RELN: variants seen among roughly 807,000 people sequenced by gnomAD.
RELN encodes the protein reelin.
In RELN, 108 loss-of-function variants were observed where a neutral mutation model predicts 427.6. That is an observed-to-expected ratio of 0.25 (90% CI 0.22 to 0.30). RELN has a LOEUF of 0.30. Among genes scored for constraint, RELN ranks in the 10% least tolerant of loss-of-function variants. The pLI, the probability that RELN is intolerant of heterozygous loss-of-function variation, is 1.00. For missense variants in RELN, 3,715 were observed against 4,302.8 expected, an observed-to-expected ratio of 0.86 and a Z score of 3.82; for synonymous variants, 1,524 against 1,513.4, an observed-to-expected ratio of 1.01 and a Z score of -0.16.
intron 2 of RELN, among the ~76,000 whole-genome samples, chr7:103,836,469 C>T (rs956333665): frequency 5.9e-5 from 9 of 152,160 alleles, no homozygotes; most frequent in Non-Finnish European, 1.0e-4. Context: ...ATAGAAAGCT[C>T]TATTGATGTC....
chr7:103,489,218 G>GTC (rs1828561705), intron 60 of RELN, among the ~76,000 whole-genome samples: 1 of 151,912 alleles, frequency 6.6e-6, no homozygotes, highest in African/African-American at 2.4e-5. Flanking sequence ...GTGTGTGTGT[G>GTC]TGTGTGTGTG....
At chr7:103,479,515 GTGA>G (rs1828155276) in intron 63 of RELN, among the ~76,000 whole-genome samples, 1 of 152,064 alleles carries the variant, frequency 6.6e-6, no homozygotes, top group South Asian at 2.1e-4. Context: ...GCTAATCATC[GTGA>G]AATGCTTTTC....
chr7:103,511,020 A>G lies in RELN; in HGVS notation c.8120-15T>C, dbSNP rs1829393118. The G allele has an allele frequency of 2.5e-6, 4 of 1,608,288 alleles. No individual in the cohort carries two copies. Among genetic ancestry groups the G allele is most frequent in the African/African-American group, 1.3e-5 (1 of 74,796 alleles). On this transcript the variant is annotated splice_polypyrimidine_tract_variant and intron_variant, in intron 50 of 64. Transcript: ENST00000428762. ...GTGCTCATTCACTTAAAACAAAAAA[A>G]CAAAATTTTATGACAAATTTGTGAC...
rs1274914090 is a variant in RELN, at chr7:103,569,068, G to A, written c.4589-2309C>T. On this transcript the variant is annotated intron_variant, in intron 31 of 64. Coordinates refer to ENST00000428762, the MANE Select transcript of RELN (RefSeq NM_005045.4). The surrounding 1 kb of genome is among the most constrained non-coding windows in gnomAD (Gnocchi z 4.0). ...TGCTTCTAATGAATAGAATATGGTGGAAGTAATGGTGTGTAACTTTGGAAA... is the reference window on the plus strand; with the variant it reads ...TGCTTCTAATGAATAGAATATGGTGAAAGTAATGGTGTGTAACTTTGGAAA... Among the ~76,000 whole-genome samples the A allele has an allele frequency of 7.2e-5, 11 of 152,218 alleles. No homozygotes were observed. Among genetic ancestry groups the A allele is most frequent in the Non-Finnish European group, 1.6e-4 (11 of 68,034 alleles).
chr7:103,619,490 C>A (rs1832166669), intron 20 of RELN, among the ~76,000 whole-genome samples: 1 of 152,196 alleles, frequency 6.6e-6, no homozygotes, highest in African/African-American at 2.4e-5. Flanking sequence ...CAGATGCCAG[C>A]AGCTAATTCC....
At chr7:103,522,351 T>A in intron 47 of RELN, 152 bp from the exon 48 acceptor site, 1 of 725,846 alleles carries the variant, frequency 1.4e-6, no homozygotes, top group Non-Finnish European at 2.4e-6. Context: ...CTGCTCTCCT[T>A]AACTGTACTT....
chr7:103,523,580 T>C, intron 46 of RELN, 49 bp from the exon 47 acceptor site: 13 of 1,602,342 alleles, frequency 8.1e-6, no homozygotes, highest in Non-Finnish European at 1.0e-5. Flanking sequence ...GAAAAGAAAA[T>C]GTGTTCCAGT....
rs2117091992 is a variant in RELN at position 103,522,030 on chromosome 7, A to G, written c.7660T>C (p.Phe2554Leu). ...GAVASGMALH[F>L]SGGCSRLLVT... Reference sequence around the variant, plus strand: ...AGCAGCCAAACACTCACCCCACTGAAATGGAGAGCCATTCCCGACGCCACG... The same window carrying G: ...AGCAGCCAAACACTCACCCCACTGAGATGGAGAGCCATTCCCGACGCCACG... Residue 2554 changes from phenylalanine to leucine, a missense_variant, in exon 48 of 65, where the codon TTC (phenylalanine) becomes CTC (leucine). This residue lies in a region of RELN where 1,310 missense variants were observed against 1,643.0 expected (regional missense o/e 0.80). Transcript: ENST00000428762. The G allele has an allele frequency of 1.9e-6, 3 of 1,614,032 alleles. No homozygotes were observed. The highest frequency in any genetic ancestry group is 8.5e-7 in the Non-Finnish European group (1 of 1,179,990).
At chr7:103,513,713 C>G (rs1243554671) in intron 50 of RELN, 4 of 151,544 alleles carry the variant, frequency 2.6e-5, no homozygotes, top group Non-Finnish European at 5.9e-5. Context: ...TATATAGCTA[C>G]TAAAATTTTA....
At chr7:103,741,511 A>T (rs1469439022) in intron 6 of RELN, among the ~76,000 whole-genome samples, 1 of 151,996 alleles carries the variant, frequency 6.6e-6, no homozygotes. Flanking sequence ...TGGGCTTAGA[A>T]GGGATAGTCT....
intron 61 of RELN, 100 bp downstream of exon 61, chr7:103,486,097 T>A: frequency 1.8e-6 from 2 of 1,097,174 alleles, no homozygotes; most frequent in Non-Finnish European, 1.4e-6. Context: ...CTTAGTGACA[T>A]CTGTGCCATG....
chr7:103,635,749 T>G (rs958199974), intron 18 of RELN, among the ~76,000 whole-genome samples, 163 bp from the exon 19 acceptor site: 1 of 152,164 alleles, frequency 6.6e-6, no homozygotes, highest in Non-Finnish European at 1.5e-5. Flanking sequence ...GATATTTATG[T>G]ACATGTTGAT....
intron 8 of RELN, among the ~76,000 whole-genome samples, chr7:103,703,282 G>A (rs111732319): frequency 1.3e-5 from 2 of 152,104 alleles, no homozygotes; most frequent in African/African-American, 2.4e-5. Context: ...ACTCCCGCCC[G>A]GTGTAGCTGT....
chr7:103,663,318 A>G (rs1477175288), intron 11 of RELN, among the ~76,000 whole-genome samples: 1 of 152,150 alleles, frequency 6.6e-6, no homozygotes, highest in East Asian at 1.9e-4. Context: ...AGACCCTAGC[A>G]CAGTGTTCAA....
At chr7:103,913,468 T>C (rs1049658499) in intron 2 of RELN, among the ~76,000 whole-genome samples, 1 of 152,180 alleles carries the variant, frequency 6.6e-6, no homozygotes, top group African/African-American at 2.4e-5. Flanking sequence ...AGACTAATGA[T>C]AGATTATGTA....
rs1828876119 is a variant in RELN at position 103,497,471 on chromosome 7, A to G, written c.8950+349T>C. Among the ~76,000 whole-genome samples the G allele has an allele frequency of 6.6e-5, 10 of 152,358 alleles. No homozygotes were observed. The South Asian group carries it at 2.1e-3, about 32-fold the overall frequency. On this transcript the variant is annotated intron_variant, in intron 55 of 64. Coordinates refer to ENST00000428762, the MANE Select transcript of RELN (RefSeq NM_005045.4). ...GCATTTATTACATGCTTATTTACAC[A>G]TAAGCTGTTAAAAATGCTTTAAAGT...
At chr7:103,586,311 A>T (rs1584319519) in intron 28 of RELN, among the ~76,000 whole-genome samples, 1 of 152,184 alleles carries the variant, frequency 6.6e-6, no homozygotes, top group Non-Finnish European at 1.5e-5. Context: ...TGCAGTGAGC[A>T]GAGATCACGC....
intron 20 of RELN, among the ~76,000 whole-genome samples, chr7:103,619,632 C>A (rs1431818771): frequency 6.6e-6 from 1 of 152,120 alleles, no homozygotes; most frequent in Non-Finnish European, 1.5e-5. Context: ...TTAGAAAATG[C>A]GCGTCAGCTG....
chr7:103,913,691 G>A (rs1031442119), intron 2 of RELN, among the ~76,000 whole-genome samples: 3 of 151,894 alleles, frequency 2.0e-5, no homozygotes, highest in Admixed American at 6.6e-5. Flanking sequence ...AAAAATTAAT[G>A]TGCTTTTTTT....
Sources: gnomAD v4.1 joint callset for allele counts (sites outside exome capture counted in the v4.1 genomes callset) on GRCh38, gnomAD v4.1.1 for gene constraint, gnomAD v4.1.1 regional missense constraint, Gnocchi (gnomAD v3.1) non-coding constraint, MANE v1.5 for transcripts, NCBI Gene and HGNC (gene_info 2026-07-23, HGNC 2026-07-21) for gene names.